SLIT3: variants seen among roughly 807,000 people sequenced by gnomAD.
The protein encoded by SLIT3 is slit homolog 3 protein.
SLIT3 carries 68 observed loss-of-function variants against 184.0 expected under a neutral mutation model. The ratio of observed to expected loss-of-function variants is 0.37; its 90% CI spans 0.30 to 0.45. SLIT3 has a LOEUF of 0.45. Ranked by LOEUF, SLIT3 falls within the 20% of genes least tolerant of loss-of-function variation. The probability of loss-of-function intolerance (pLI) is 1.00; values close to 1 mark genes in which losing one functional copy is unlikely to be tolerated. For missense variants in SLIT3, 1,707 were observed against 2,026.0 expected (o/e 0.84, Z 3.02); for synonymous variants, 831 against 828.6 (o/e 1.00, Z -0.05).
chr5:169,294,912 A>G (rs1198049798), intron 1 of SLIT3, among the ~76,000 whole-genome samples: 1 of 152,236 alleles, frequency 6.6e-6, no homozygotes, highest in African/African-American at 2.4e-5. Context: ...ACCTATACAT[A>G]GAAAAGGTAC....
chr5:169,225,559 A>G (rs62376914), intron 3 of SLIT3, among the ~76,000 whole-genome samples: 24,538 of 152,098 alleles, frequency 0.16, 2,218 homozygotes, highest in East Asian at 0.44. Flanking sequence ...GTCTAAGGAG[A>G]GAGAGAGATG....
chr5:168,892,995 AC>A (rs1321249795), intron 4 of SLIT3, among the ~76,000 whole-genome samples: 1 of 152,184 alleles, frequency 6.6e-6, no homozygotes, highest in Non-Finnish European at 1.5e-5. Context: ...TGGGGTTCCA[AC>A]CACAGGCGTC....
chr5:169,117,879 A>T (rs187836210), intron 4 of SLIT3, among the ~76,000 whole-genome samples: 6 of 152,370 alleles, frequency 3.9e-5, no homozygotes, highest in Admixed American at 2.6e-4. Context: ...GACACCCAAG[A>T]ACAGGCCACA....
intron 5 of SLIT3, among the ~76,000 whole-genome samples, chr5:168,867,259 G>C (rs1425313504): frequency 6.6e-6 from 1 of 152,200 alleles, no homozygotes; most frequent in Non-Finnish European, 1.5e-5. Context: ...AAAACAATTA[G>C]AGAAAAATTC....
chr5:169,273,621 G>A (rs1766703408), intron 1 of SLIT3, among the ~76,000 whole-genome samples: 1 of 152,218 alleles, frequency 6.6e-6, no homozygotes, highest in Admixed American at 6.5e-5. Flanking sequence ...TGATTTCAAT[G>A]TGCAGCTAGG....
chr5:169,007,787 C>A (rs1392081359), intron 4 of SLIT3, among the ~76,000 whole-genome samples: 1 of 152,220 alleles, frequency 6.6e-6, no homozygotes, highest in Admixed American at 6.5e-5. Flanking sequence ...CACATACACA[C>A]CTTTTGCCTT....
At chr5:169,124,700 AAAGT>A (rs1357609068) in intron 4 of SLIT3, among the ~76,000 whole-genome samples, 1 of 152,204 alleles carries the variant, frequency 6.6e-6, no homozygotes, top group African/African-American at 2.4e-5. Flanking sequence ...CCTCAAAGGA[AAAGT>A]AATTACCAAT....
intron 1 of SLIT3, among the ~76,000 whole-genome samples, chr5:169,281,442 C>G (rs543797708): frequency 1.5e-4 from 23 of 152,308 alleles, no homozygotes; most frequent in Non-Finnish European, 2.5e-4. Context: ...CGCCACTGCA[C>G]TCCAGCATGG....
chr5:169,054,537 CGATACA>C (rs1757923521), intron 4 of SLIT3, among the ~76,000 whole-genome samples: 1 of 152,070 alleles, frequency 6.6e-6, no homozygotes, highest in African/African-American at 2.4e-5. Context: ...TTTTCTCCTC[CGATACA>C]TCCTCTCCCT....
chr5:169,079,585 GGGA>G (rs1394286324), intron 4 of SLIT3, among the ~76,000 whole-genome samples: 1 of 126,370 alleles, frequency 7.9e-6, no homozygotes, highest in South Asian at 3.0e-4. Context: ...AGGAGAGAAG[GGGA>G]GGAGGAGGAG....
At chr5:168,716,965 T>C (rs1255579077) in intron 23 of SLIT3, among the ~76,000 whole-genome samples, 1 of 140,986 alleles carries the variant, frequency 7.1e-6, no homozygotes, top group African/African-American at 2.8e-5. Context: ...GAAGCCACAT[T>C]GCAGCCACAC....
At position 169,067,502 on chromosome 5, in the gene SLIT3, C is replaced by T. The variant is rs75741516; in HGVS notation, c.413+125977G>A. 8.5e-4 allele frequency among the ~76,000 whole-genome samples: 130 copies of T among 152,260 alleles called. 3 individuals are homozygous for T. In the East Asian group the frequency reaches 0.023, roughly 26 times the overall value. On this transcript the variant is annotated intron_variant, in intron 4 of 35. Transcript: ENST00000519560. ...CAATCCATCCATCTCTGTGCCTCCA[C>T]GGCAAAAGGCTGGGAGGCTGAGAAG...
chr5:168,839,020 C>T (rs1476770442), intron 6 of SLIT3, among the ~76,000 whole-genome samples: 3 of 152,054 alleles, frequency 2.0e-5, no homozygotes, highest in African/African-American at 7.2e-5. Flanking sequence ...TGTTTTTCAC[C>T]CTCATAGGCA....
At chr5:168,933,795 T>C (rs1443204306) in intron 4 of SLIT3, among the ~76,000 whole-genome samples, 1 of 152,206 alleles carries the variant, frequency 6.6e-6, no homozygotes, top group Non-Finnish European at 1.5e-5. Context: ...TTTGGATTTT[T>C]ATTGAATAAG....
intron 4 of SLIT3, among the ~76,000 whole-genome samples, chr5:168,935,923 T>A (rs1392832347): frequency 6.6e-6 from 1 of 152,244 alleles, no homozygotes; most frequent in Non-Finnish European, 1.5e-5. Flanking sequence ...GAAGCAAATC[T>A]GTTTATATTT....
chr5:168,825,689 G>A (rs995456169), intron 6 of SLIT3, among the ~76,000 whole-genome samples: 9 of 152,146 alleles, frequency 5.9e-5, no homozygotes, highest in Non-Finnish European at 1.0e-4. Flanking sequence ...TGCTCAGTGG[G>A]GGATAATCTA....
chr5:169,158,057 C>A (rs1252767976), intron 4 of SLIT3, among the ~76,000 whole-genome samples: 1 of 151,652 alleles, frequency 6.6e-6, no homozygotes, highest in Non-Finnish European at 1.5e-5. Context: ...TTAAAAAATA[C>A]ATGAAGAAAT....
At chr5:169,123,565 C>G (rs1376540093) in intron 4 of SLIT3, among the ~76,000 whole-genome samples, 1 of 152,134 alleles carries the variant, frequency 6.6e-6, no homozygotes, top group South Asian at 2.1e-4. Context: ...TAAAGTTGAA[C>G]GAGGCCTTTA....
chr5:168,806,711 G>A (rs1184869699), intron 8 of SLIT3, 124 bp from the exon 9 acceptor site: 1 of 1,085,810 alleles, frequency 9.2e-7, no homozygotes, highest in African/African-American at 1.6e-5. Context: ...ATGATCACCA[G>A]CTGACATCTC....
Sources: allele counts gnomAD v4.1 joint callset (sites outside exome capture counted in the v4.1 genomes callset), GRCh38; gene constraint gnomAD v4.1.1; transcripts MANE v1.5; gene names NCBI Gene and HGNC (gene_info 2026-07-23, HGNC 2026-07-21).